TCF12: variants seen among roughly 807,000 people sequenced by gnomAD.
TCF12 encodes the protein DNA-binding protein HTF4.
In TCF12, 45 loss-of-function variants were observed where a neutral mutation model predicts 86.0. The observed-to-expected ratio is 0.52, with a 90% CI of 0.41 to 0.67. TCF12 has a LOEUF of 0.67. Ranked by LOEUF, TCF12 falls within the 30% of genes least tolerant of loss-of-function variation. TCF12 has a pLI of 0.00. For missense variants in TCF12, 881 were observed against 859.9 expected (o/e 1.02, Z -0.31); for synonymous variants, 330 against 299.6 (o/e 1.10, Z -1.05).
intron 6 of TCF12, among the ~76,000 whole-genome samples, chr15:57,175,026 C>T (rs1445935420): frequency 5.3e-5 from 8 of 151,972 alleles, no homozygotes; most frequent in Non-Finnish European, 1.0e-4. Flanking sequence ...AAAAATAAAT[C>T]GGTAAGCCAC....
chr15:57,075,804 T>TTCTTTCTTTCTTTCTTTCTCTC (rs1461514777), intron 4 of TCF12, among the ~76,000 whole-genome samples: 4 of 28,596 alleles, frequency 1.4e-4, no homozygotes, highest in African/African-American at 4.2e-4. Context: ...CTTTCTTTCT[T>TTCTTTCTTTCTTTCTTTCTCTC]TCTCTCTCTC....
At position 57,123,644 on chromosome 15, in the gene TCF12, G is replaced by A. The variant is rs1264760511; in HGVS notation, c.325+31753G>A. Among the ~76,000 whole-genome samples the A allele has an allele frequency of 2.0e-5, 3 of 150,998 alleles. No homozygotes were observed. In the South Asian group the frequency reaches 6.3e-4, roughly 32 times the overall value. On this transcript the variant is annotated intron_variant, in intron 5 of 20. Coordinates refer to ENST00000333725, the MANE Select transcript of TCF12 (RefSeq NM_207037.2). ...CTACAGGCGAGCACCACTACACTCAGCTAATGTAAAAAAAAAAAGTTTTAA... is the reference window on the plus strand; with the variant it reads ...CTACAGGCGAGCACCACTACACTCAACTAATGTAAAAAAAAAAAGTTTTAA...
At chr15:57,059,455 C>G (rs1793735945) in intron 3 of TCF12, among the ~76,000 whole-genome samples, 1 of 152,120 alleles carries the variant, frequency 6.6e-6, no homozygotes, top group South Asian at 2.1e-4. Context: ...CTTGGGTCAT[C>G]AGACTCACCA....
chr15:56,945,050 C>T (rs1445556465), intron 3 of TCF12, among the ~76,000 whole-genome samples: 2 of 152,064 alleles, frequency 1.3e-5, no homozygotes, highest in African/African-American at 4.8e-5. Flanking sequence ...AGGTCTTACA[C>T]TCATTTTGTT....
At chr15:57,248,271 T>C (rs145039897) in intron 13 of TCF12, among the ~76,000 whole-genome samples, 23 of 152,304 alleles carry the variant, frequency 1.5e-4, no homozygotes, top group African/African-American at 5.5e-4. Flanking sequence ...GGGCTAAGAA[T>C]AGAATTGCTC....
At chr15:57,246,540 C>T (rs1436987650) in intron 13 of TCF12, among the ~76,000 whole-genome samples, 1 of 80,174 alleles carries the variant, frequency 1.2e-5, no homozygotes, top group Non-Finnish European at 4.0e-5. Flanking sequence ...TACATGCAGA[C>T]ATATCTCCAG....
chr15:57,012,173 T>G (rs1232991281), intron 3 of TCF12, among the ~76,000 whole-genome samples: 1 of 152,154 alleles, frequency 6.6e-6, no homozygotes, highest in Non-Finnish European at 1.5e-5. Flanking sequence ...GAAATTAAAA[T>G]ATAAAAACCA....
At chr15:57,009,530 C>T (rs990305412) in intron 3 of TCF12, among the ~76,000 whole-genome samples, 5 of 152,126 alleles carry the variant, frequency 3.3e-5, no homozygotes, top group African/African-American at 1.2e-4. Flanking sequence ...GCGAAATTTC[C>T]TGATACACAG....
At chr15:57,127,622 G>C (rs1267442890) in intron 5 of TCF12, among the ~76,000 whole-genome samples, 1 of 152,216 alleles carries the variant, frequency 6.6e-6, no homozygotes, top group Non-Finnish European at 1.5e-5. Context: ...GAAATGTTGA[G>C]TGAATGAGTG....
chr15:56,956,474 A>G (rs1317037548), intron 3 of TCF12, among the ~76,000 whole-genome samples: 1 of 152,104 alleles, frequency 6.6e-6, no homozygotes, highest in African/African-American at 2.4e-5. Flanking sequence ...TGGAGTTACC[A>G]TTCCATTGCT....
intron 18 of TCF12, among the ~76,000 whole-genome samples, chr15:57,264,941 G>T (rs1428216013): frequency 1.3e-5 from 2 of 151,908 alleles, no homozygotes; most frequent in African/African-American, 2.4e-5. Flanking sequence ...TGTTGGCCAG[G>T]CTGGTCTCGA....
At chr15:57,275,754 G>A (rs1292260421) in intron 19 of TCF12, among the ~76,000 whole-genome samples, 1 of 151,852 alleles carries the variant, frequency 6.6e-6, no homozygotes, top group East Asian at 1.9e-4. Context: ...TTCTGATTTG[G>A]GATGATGCTG....
intron 6 of TCF12, among the ~76,000 whole-genome samples, chr15:57,191,516 A>G (rs2056978820): frequency 6.6e-6 from 1 of 152,242 alleles, no homozygotes; most frequent in African/African-American, 2.4e-5. Context: ...GTATGTGTTC[A>G]TGAAAGTATT....
At chr15:56,952,393 TAAA>T (rs1373354697) in intron 3 of TCF12, among the ~76,000 whole-genome samples, 2 of 151,946 alleles carry the variant, frequency 1.3e-5, no homozygotes, top group African/African-American at 4.8e-5. Context: ...CATTTTCATA[TAAA>T]TGTCAGTACT....
rs764189323 is a variant in TCF12 at position 57,253,455 on chromosome 15, G to C, written c.1454G>C (p.Arg485Pro). The part of the protein sequence containing the change: ...YGGSSLVASS[R>P]SASMVGTHRE... ...GGATCAAGCCTTGTTGCAAGCAGTC[G>C]ATCAGCTTCAATGGTAAAATCATGC... The change falls in exon 16 of 21, where the codon CGA becomes CCA. Residue 485 changes from arginine to proline, a missense_variant. Physicochemically the swap from Arg to Pro is moderately radical, Grantham distance 103. Around this residue, in one of 3 missense-constraint regions of TCF12, gnomAD observed 766 missense variants for 718.9 expected, o/e 1.07. Transcript: ENST00000333725. The C allele has an allele frequency of 6.2e-7, 1 of 1,613,828 alleles. No individual in the cohort carries two copies. The highest frequency in any genetic ancestry group is 2.2e-5 in the East Asian group (1 of 44,874).
chr15:57,271,740 A>G (rs1398989326), intron 18 of TCF12, among the ~76,000 whole-genome samples: 1 of 152,108 alleles, frequency 6.6e-6, no homozygotes, highest in Non-Finnish European at 1.5e-5. Context: ...CACCTCGGCA[A>G]TGTATTTTTT....
At chr15:57,107,332 A>G (rs2050201822) in intron 5 of TCF12, among the ~76,000 whole-genome samples, 1 of 146,340 alleles carries the variant, frequency 6.8e-6, no homozygotes, top group Non-Finnish European at 1.5e-5. Flanking sequence ...GCCAATCTGA[A>G]AGACTATATA....
At chr15:57,214,800 T>C (rs2058265450) in intron 8 of TCF12, among the ~76,000 whole-genome samples, 1 of 152,208 alleles carries the variant, frequency 6.6e-6, no homozygotes, top group African/African-American at 2.4e-5. Flanking sequence ...ACAGTTTTTT[T>C]CATGGAGTGC....
At chr15:57,199,613 C>T (rs1473092678) in intron 8 of TCF12, among the ~76,000 whole-genome samples, 9 of 152,062 alleles carry the variant, frequency 5.9e-5, no homozygotes, top group African/African-American at 1.9e-4. Flanking sequence ...TTCTTACATT[C>T]GTAATCGTAA....
Sources: allele counts gnomAD v4.1 joint callset (sites outside exome capture counted in the v4.1 genomes callset), GRCh38; gene constraint gnomAD v4.1.1; regional missense constraint gnomAD v4.1.1; transcripts MANE v1.5; gene names NCBI Gene and HGNC (gene_info 2026-07-23, HGNC 2026-07-21).